CRY1: variants seen among roughly 807,000 people sequenced by gnomAD.
CRY1 encodes the protein cryptochrome-1.
CRY1 carries 45 observed loss-of-function variants against 76.0 expected under a neutral mutation model. That is an observed-to-expected ratio of 0.59 (90% confidence interval 0.47 to 0.76). The LOEUF is 0.76. CRY1 is among the 30% of genes least tolerant of loss of function. The pLI is 0.00. For synonymous variants in CRY1, 248 were observed against 244.0 expected (o/e 1.02, Z -0.15); for missense variants, 587 against 716.4 (o/e 0.82, Z 2.06).
intron 10 of CRY1, among the ~76,000 whole-genome samples, chr12:106,994,047 AAAAAACAAAC>A (rs1181821695): frequency 2.0e-5 from 3 of 151,784 alleles, no homozygotes; most frequent in Admixed American, 1.3e-4. Context: ...ACAGTCATTA[AAAAAACAAAC>A]AAAAACAAAC....
intron 1 of CRY1, among the ~76,000 whole-genome samples, chr12:107,053,570 G>T (rs1202731941): frequency 6.6e-6 from 1 of 152,006 alleles, no homozygotes; most frequent in Non-Finnish European, 1.5e-5. Context: ...TGCCTGCCTC[G>T]GCCTCCCAAA....
Position 106,992,875 on chromosome 12 carries a change from C to A in CRY1, c.1673G>T (p.Gly558Val), listed in dbSNP as rs2136814602. ...HLLKQGRSSM[G>V]TGLSGGKRPS... ...ACGTTTCCCACCACTGAGACCAGTG[C>A]CCATGGAGCTTCTTCCTGCACATTT... The change falls in exon 12 of 13, where the codon GGC (glycine) becomes GTC (valine). Residue 558 changes from glycine to valine, a missense_variant. Coordinates refer to ENST00000008527, the MANE Select transcript of CRY1 (RefSeq NM_004075.5). 1 of 1,613,968 alleles carries A rather than the reference C, an allele frequency of 6.2e-7. No homozygotes were observed.
chr12:107,071,931 T>C (rs1271575805), intron 1 of CRY1, among the ~76,000 whole-genome samples: 1 of 152,134 alleles, frequency 6.6e-6, no homozygotes, highest in Non-Finnish European at 1.5e-5. Flanking sequence ...ATAAAAAGTA[T>C]GTCAAAGATG....
intron 1 of CRY1, among the ~76,000 whole-genome samples, chr12:107,078,972 T>C (rs1184934213): frequency 6.6e-6 from 1 of 152,196 alleles, no homozygotes; most frequent in South Asian, 2.1e-4. Flanking sequence ...ACTTGAACTG[T>C]TGATAAAGTC....
At chr12:107,063,881 GCCACTGCGT>G (rs1953079502) in intron 1 of CRY1, among the ~76,000 whole-genome samples, 1 of 152,062 alleles carries the variant, frequency 6.6e-6, no homozygotes, top group Non-Finnish European at 1.5e-5. Context: ...TAAGGCATGA[GCCACTGCGT>G]CCAGCTGGGT....
At chr12:107,011,742 A>G (rs1952445566) in intron 2 of CRY1, among the ~76,000 whole-genome samples, 1 of 152,258 alleles carries the variant, frequency 6.6e-6, no homozygotes, top group African/African-American at 2.4e-5. Context: ...TACAAAGTGA[A>G]GCAACAAGTG....
intron 1 of CRY1, among the ~76,000 whole-genome samples, chr12:107,070,112 C>A (rs1184832730): frequency 6.6e-6 from 1 of 152,104 alleles, no homozygotes; most frequent in Admixed American, 6.5e-5. Flanking sequence ...AACCTATGTC[C>A]CAGCAATTCT....
At chr12:107,037,186 A>T (rs1186387015) in intron 1 of CRY1, among the ~76,000 whole-genome samples, 3 of 152,210 alleles carry the variant, frequency 2.0e-5, no homozygotes, top group African/African-American at 7.2e-5. Flanking sequence ...AGGCCCAGAC[A>T]CATGGGACCT....
At chr12:107,073,910 A>G (rs1158742471) in intron 1 of CRY1, among the ~76,000 whole-genome samples, 1 of 152,156 alleles carries the variant, frequency 6.6e-6, no homozygotes, top group Non-Finnish European at 1.5e-5. Flanking sequence ...CTGTATCGGG[A>G]TATCCCACTG....
chr12:106,993,051 A>G lies in CRY1; in HGVS notation c.1586-15T>C. On this transcript the variant is annotated splice_polypyrimidine_tract_variant and intron_variant, in intron 10 of 12. Transcript: ENST00000008527. ...TTGAGAGCAACCTGTTAGTATTTAA[A>G]ACACAGTAAAATTACTTAAAATCAA... is the stretch of plus-strand genomic sequence containing the variant. 1 of 1,612,618 alleles carries G rather than the reference A, an allele frequency of 6.2e-7. No individual in the cohort carries two copies. Among genetic ancestry groups the G allele is most frequent in the African/African-American group, 1.3e-5 (1 of 75,030 alleles).
chr12:106,992,684 T>C, intron 12 of CRY1, 103 bp downstream of exon 12: 1 of 1,096,890 alleles, frequency 9.1e-7, no homozygotes, highest in South Asian at 1.5e-5. Flanking sequence ...GCCTCAAGAT[T>C]TTCTGGTTTG....
chr12:107,033,370 T>C (rs1952699310), intron 1 of CRY1, among the ~76,000 whole-genome samples: 1 of 152,110 alleles, frequency 6.6e-6, no homozygotes, highest in Admixed American at 6.5e-5. Flanking sequence ...TCCAATCTCA[T>C]AAAAAGGATA....
chr12:107,069,613 A>AAAAAGTATATATAT (rs1953158254), intron 1 of CRY1, among the ~76,000 whole-genome samples: 8 of 75,326 alleles, frequency 1.1e-4, no homozygotes, highest in Admixed American at 6.0e-4. Flanking sequence ...TATATATATA[A>AAAAAGTATATATAT]AAAGTATATA....
intron 1 of CRY1, among the ~76,000 whole-genome samples, chr12:107,055,130 A>G (rs1343412900): frequency 1.3e-5 from 2 of 152,228 alleles, no homozygotes; most frequent in East Asian, 1.9e-4. Context: ...TTCAGCATAT[A>G]TTGGACCATT....
intron 1 of CRY1, among the ~76,000 whole-genome samples, chr12:107,061,592 G>A (rs1953048255): frequency 6.6e-6 from 1 of 151,948 alleles, no homozygotes; most frequent in Admixed American, 6.6e-5. Context: ...ATGTTGGCCA[G>A]GCTGGTCTTG....
chr12:107,024,363 T>C (rs1023906840), intron 1 of CRY1, among the ~76,000 whole-genome samples: 10 of 152,122 alleles, frequency 6.6e-5, no homozygotes, highest in Admixed American at 6.5e-5. Context: ...AATCTTTCCC[T>C]TTCTTAATAG....
At position 107,092,989 on chromosome 12, in the gene CRY1, G is replaced by A. The variant is rs773500175; in HGVS notation, c.-28C>T. 3 of 1,507,836 alleles carry A rather than the reference G, an allele frequency of 2.0e-6. No individual in the cohort carries two copies. Among genetic ancestry groups the A allele is most frequent in the Admixed American group, 4.6e-5 (2 of 43,520 alleles). 93.4% of individuals were successfully genotyped at this position (1,507,836 alleles called of 1,614,324 possible). On this transcript the variant is annotated 5_prime_UTR_variant, in exon 1 of 13. Transcript: ENST00000008527. ...CGGGGGGCGCGGCGGGTCCTCCACGGAGAAATTCAAGGAAGGAGGCTCCGG... is the reference window on the plus strand; with the variant it reads ...CGGGGGGCGCGGCGGGTCCTCCACGAAGAAATTCAAGGAAGGAGGCTCCGG...
intron 1 of CRY1, among the ~76,000 whole-genome samples, chr12:107,044,154 G>C (rs1173521344): frequency 6.6e-6 from 1 of 152,112 alleles, no homozygotes; most frequent in Admixed American, 6.6e-5. Context: ...CCTGAGATTA[G>C]GACCTCCATC....
Position 107,015,898 on chromosome 12 carries a change from C to A in CRY1, c.267+6186G>T, listed in dbSNP as rs148987863. Among the ~76,000 whole-genome samples, 712 of 152,284 alleles carry A rather than the reference C, an allele frequency of 4.7e-3. 7 individuals are homozygous for A. Among genetic ancestry groups the A allele is most frequent in the African/African-American group, 0.016 (672 of 41,548 alleles). ...ACAGAGTCTCACTATGTTGCCCAGG[C>A]TGGTCTCAAACTCCTGGGCTCAAGC... On this transcript the variant is annotated intron_variant, in intron 2 of 12. Transcript: ENST00000008527.
Sources: gnomAD v4.1 joint callset for allele counts (sites outside exome capture counted in the v4.1 genomes callset) on GRCh38, gnomAD v4.1.1 for gene constraint, MANE v1.5 for transcripts, NCBI Gene and HGNC (gene_info 2026-07-23, HGNC 2026-07-21) for gene names.